Variants in RGS6 observed in about 807,000 individuals in gnomAD.
RGS6 encodes regulator of G protein signaling 6.
RGS6 carries 30 observed loss-of-function variants against 78.5 expected under a neutral mutation model. The observed-to-expected ratio is 0.38, with a 90% CI of 0.29 to 0.52. RGS6 has a LOEUF of 0.52. Ranked by LOEUF, RGS6 falls within the 20% of genes least tolerant of loss-of-function variation. RGS6 has a pLI of 0.85. For synonymous variants in RGS6, 206 were observed against 206.0 expected (o/e 1.00, Z 0.00); for missense variants, 495 against 609.7 (o/e 0.81, Z 1.98).
chr14:72,552,350 A>C (rs927601872), intron 17 of RGS6, among the ~76,000 whole-genome samples: 1 of 152,114 alleles, frequency 6.6e-6, no homozygotes, highest in African/African-American at 2.4e-5. Flanking sequence ...ACTTCCCGGG[A>C]AGCTGTGGGA....
chr14:72,367,145 A>G (rs2082594855), intron 3 of RGS6, among the ~76,000 whole-genome samples: 1 of 152,182 alleles, frequency 6.6e-6, no homozygotes, highest in Non-Finnish European at 1.5e-5. Flanking sequence ...TGTTCCCATG[A>G]TCTCATGCAC....
At chr14:72,106,462 A>G (rs2095634896) in intron 2 of RGS6, among the ~76,000 whole-genome samples, 1 of 152,174 alleles carries the variant, frequency 6.6e-6, no homozygotes, top group African/African-American at 2.4e-5. Flanking sequence ...AGCATGAACT[A>G]GTATGAGGTG....
At chr14:72,287,809 T>G (rs1339016626) in intron 2 of RGS6, among the ~76,000 whole-genome samples, 2 of 152,340 alleles carry the variant, frequency 1.3e-5, no homozygotes, top group South Asian at 4.1e-4. Flanking sequence ...GTTGAGAGTT[T>G]TATCTTGGAA....
chr14:72,555,701 T>A (rs1414387771), intron 17 of RGS6, among the ~76,000 whole-genome samples: 1 of 152,240 alleles, frequency 6.6e-6, no homozygotes, highest in Non-Finnish European at 1.5e-5. Flanking sequence ...CCAGGCAAGT[T>A]ACTCAAACTC....
chr14:72,045,450 A>C (rs960961505), intron 2 of RGS6, among the ~76,000 whole-genome samples: 1 of 152,130 alleles, frequency 6.6e-6, no homozygotes, highest in Non-Finnish European at 1.5e-5. Flanking sequence ...AGAGGCTTCA[A>C]ATTCCTCTGG....
intron 3 of RGS6, among the ~76,000 whole-genome samples, chr14:72,358,023 G>A (rs7152318): frequency 0.024 from 3,607 of 152,292 alleles, 171 homozygotes; most frequent in African/African-American, 0.082. Flanking sequence ...ATAGTTAAAA[G>A]GGGTCAAGGT....
At chr14:72,189,947 T>C (rs1294245129) in intron 2 of RGS6, among the ~76,000 whole-genome samples, 1 of 152,190 alleles carries the variant, frequency 6.6e-6, no homozygotes, top group Non-Finnish European at 1.5e-5. Context: ...CTTCTTACTA[T>C]GCCCTTGCCT....
At chr14:72,308,150 C>G (rs929594783) in intron 2 of RGS6, among the ~76,000 whole-genome samples, 2 of 152,104 alleles carry the variant, frequency 1.3e-5, no homozygotes, top group African/African-American at 4.8e-5. Context: ...TTTTGTAGTC[C>G]TTACGTCTTT....
intron 13 of RGS6, among the ~76,000 whole-genome samples, chr14:72,495,714 T>G (rs2096636414): frequency 6.6e-6 from 1 of 152,182 alleles, no homozygotes; most frequent in Non-Finnish European, 1.5e-5. Context: ...GAGGAGTTAA[T>G]GAACTTGCCC....
At chr14:71,960,578 C>A (rs1224572989) in intron 1 of RGS6, among the ~76,000 whole-genome samples, 1 of 152,184 alleles carries the variant, frequency 6.6e-6, no homozygotes, top group African/African-American at 2.4e-5. Context: ...CGATAAAGTC[C>A]CTGCCTATGA....
At chr14:72,317,144 T>C (rs76255000) in intron 2 of RGS6, among the ~76,000 whole-genome samples, 2,370 of 152,158 alleles carry the variant, frequency 0.016, 69 homozygotes, top group African/African-American at 0.055. Context: ...CATTTCCTCA[T>C]ATATGATTGA....
chr14:72,466,835 T>A (rs1408385134), intron 7 of RGS6, among the ~76,000 whole-genome samples: 3 of 152,188 alleles, frequency 2.0e-5, no homozygotes, highest in African/African-American at 7.2e-5. Flanking sequence ...AGGAAAAAAG[T>A]CAAATTTACT....
chr14:72,544,912 C>T (rs778125526), intron 17 of RGS6, among the ~76,000 whole-genome samples: 7 of 152,204 alleles, frequency 4.6e-5, no homozygotes, highest in African/African-American at 9.6e-5. Flanking sequence ...TAAGGCTCTC[C>T]GCAGGGGAGG....
At chr14:72,009,571 C>T (rs1815676271) in intron 2 of RGS6, among the ~76,000 whole-genome samples, 2 of 152,132 alleles carry the variant, frequency 1.3e-5, no homozygotes, top group Admixed American at 1.3e-4. Context: ...ATAATAAATC[C>T]TAGCTATGAA....
chr14:71,881,970 C>T, the RGS6 span, among the ~76,000 whole-genome samples: 1 of 152,080 alleles, frequency 6.6e-6, no homozygotes, highest in Admixed American at 6.5e-5. Context: ...TAAAACTTAC[C>T]ATTTTAAACC....
intron 2 of RGS6, among the ~76,000 whole-genome samples, chr14:72,182,152 G>A (rs1380132803): frequency 6.6e-6 from 1 of 152,126 alleles, no homozygotes; most frequent in African/African-American, 2.4e-5. Context: ...GCTCACGCCT[G>A]TAATCCCAGC....
chr14:72,159,769 G>A (rs2096827286), intron 2 of RGS6, among the ~76,000 whole-genome samples: 1 of 152,096 alleles, frequency 6.6e-6, no homozygotes, highest in South Asian at 2.1e-4. Flanking sequence ...ATTCTCCAGA[G>A]TGGGGATCCT....
chr14:72,312,730 G>A (rs1409461552), intron 2 of RGS6, among the ~76,000 whole-genome samples: 1 of 152,132 alleles, frequency 6.6e-6, no homozygotes, highest in Non-Finnish European at 1.5e-5. Context: ...GTGATTGTGG[G>A]GATCCAGTGT....
intron 17 of RGS6, among the ~76,000 whole-genome samples, chr14:72,561,352 C>G (rs1259506556): frequency 1.3e-5 from 2 of 152,126 alleles, no homozygotes; most frequent in Admixed American, 1.3e-4. Context: ...GCGGTGGTGT[C>G]GCTGACCCAC....
Sources: allele counts gnomAD v4.1 joint callset (sites outside exome capture counted in the v4.1 genomes callset), GRCh38; gene constraint gnomAD v4.1.1; transcripts MANE v1.5; gene names NCBI Gene and HGNC (gene_info 2026-07-23, HGNC 2026-07-21).